RGS6: variants seen among roughly 807,000 people sequenced by gnomAD.
RGS6 encodes the protein regulator of G protein signaling 6, also known as regulator of G-protein signaling 6.
In RGS6, 30 loss-of-function variants were observed where a neutral mutation model predicts 78.5. The observed-to-expected ratio is 0.38, with a 90% CI of 0.29 to 0.52. The LOEUF (loss-of-function observed/expected upper bound fraction) is 0.52, where lower values mean the gene tolerates loss of function less well. Among genes scored for constraint, RGS6 ranks in the 20% least tolerant of loss-of-function variants. RGS6 has a pLI of 0.85. For synonymous variants in RGS6, 206 were observed against 206.0 expected (o/e 1.00, Z 0.00); for missense variants, 495 against 609.7 (o/e 0.81, Z 1.98).
At chr14:72,292,321 C>T (rs1163693895) in intron 2 of RGS6, among the ~76,000 whole-genome samples, 2 of 152,198 alleles carry the variant, frequency 1.3e-5, no homozygotes, top group Non-Finnish European at 2.9e-5. Flanking sequence ...TCACAACGCT[C>T]CATTTCGCTG....
At chr14:72,542,456 A>T (rs557097881) in intron 17 of RGS6, among the ~76,000 whole-genome samples, 58 of 152,352 alleles carry the variant, frequency 3.8e-4, no homozygotes, top group Non-Finnish European at 6.9e-4. Flanking sequence ...CTAAGAGAAG[A>T]TCTACGTGAA....
At chr14:72,482,929 T>G (rs920084901) in intron 12 of RGS6, among the ~76,000 whole-genome samples, 1 of 152,148 alleles carries the variant, frequency 6.6e-6, no homozygotes, top group Non-Finnish European at 1.5e-5. Flanking sequence ...TGAAAAGTCT[T>G]TTTTGTGAGG....
chr14:71,944,866 C>T (rs1250646977), intron 1 of RGS6, among the ~76,000 whole-genome samples: 1 of 152,142 alleles, frequency 6.6e-6, no homozygotes, highest in Non-Finnish European at 1.5e-5. Context: ...CTACTGTACA[C>T]CTAGGCCATG....
At chr14:72,587,778 G>C in the RGS6 span, among the ~76,000 whole-genome samples, 1 of 152,202 alleles carries the variant, frequency 6.6e-6, no homozygotes, top group Non-Finnish European at 1.5e-5. Context: ...ACAAAGAACT[G>C]TCTACTAACA....
chr14:72,575,577 G>A, the RGS6 span, among the ~76,000 whole-genome samples: 522 of 152,268 alleles, frequency 3.4e-3, 2 homozygotes, highest in African/African-American at 0.011. Flanking sequence ...ATTGCCTGCA[G>A]AAGGACATCT....
intron 2 of RGS6, among the ~76,000 whole-genome samples, chr14:72,202,090 A>T (rs780884272): frequency 1.3e-5 from 2 of 152,234 alleles, no homozygotes; most frequent in Non-Finnish European, 2.9e-5. Context: ...CCTCCTCTTC[A>T]TGATGAAGTA....
At chr14:72,107,732 T>C (rs1021908604) in intron 2 of RGS6, among the ~76,000 whole-genome samples, 2 of 152,176 alleles carry the variant, frequency 1.3e-5, no homozygotes, top group Non-Finnish European at 2.9e-5. Context: ...GGTTTTAACG[T>C]CTTCTGTATG....
At chr14:72,305,868 C>A (rs148710005) in intron 2 of RGS6, among the ~76,000 whole-genome samples, 1 of 152,154 alleles carries the variant, frequency 6.6e-6, no homozygotes, top group Admixed American at 6.5e-5. Context: ...TGAGACAGGC[C>A]AAAAGCTAGA....
At chr14:72,575,028 T>A in the RGS6 span, among the ~76,000 whole-genome samples, 2 of 151,972 alleles carry the variant, frequency 1.3e-5, no homozygotes, top group Non-Finnish European at 2.9e-5. Context: ...TTTCAAAGGA[T>A]TCAAATCAGG....
intron 3 of RGS6, among the ~76,000 whole-genome samples, chr14:72,387,480 C>T (rs1399361806): frequency 1.3e-5 from 2 of 151,000 alleles, no homozygotes; most frequent in Non-Finnish European, 2.9e-5. Flanking sequence ...ACCCAGGAGG[C>T]AGAGCTTGCA....
At chr14:71,969,827 T>C (rs1446762860) in intron 2 of RGS6, among the ~76,000 whole-genome samples, 1 of 152,234 alleles carries the variant, frequency 6.6e-6, no homozygotes, top group Non-Finnish European at 1.5e-5. Context: ...CTTTCTGCAA[T>C]GATTTCAAAG....
At chr14:72,036,284 TG>T (rs937329194) in intron 2 of RGS6, among the ~76,000 whole-genome samples, 5 of 151,740 alleles carry the variant, frequency 3.3e-5, no homozygotes, top group Admixed American at 3.3e-4. Flanking sequence ...TGTTTTGTTT[TG>T]TTTTGTTTTT....
intron 2 of RGS6, among the ~76,000 whole-genome samples, chr14:72,163,149 A>ATACT (rs1477770122): frequency 6.6e-6 from 1 of 152,206 alleles, no homozygotes; most frequent in Non-Finnish European, 1.5e-5. Flanking sequence ...CACCACTAAA[A>ATACT]TACTTACTCA....
At chr14:71,877,329 G>A in the RGS6 span, among the ~76,000 whole-genome samples, 2 of 152,066 alleles carry the variant, frequency 1.3e-5, no homozygotes, top group African/African-American at 4.8e-5. Context: ...ACGAAGATTT[G>A]GTCTTTTCAC....
At chr14:72,299,012 A>G (rs2065484912) in intron 2 of RGS6, among the ~76,000 whole-genome samples, 1 of 152,028 alleles carries the variant, frequency 6.6e-6, no homozygotes, top group Admixed American at 6.6e-5. Context: ...TGTTCTTTTC[A>G]GTCTTTGAAG....
At chr14:72,387,630 G>A (rs2088638006) in intron 3 of RGS6, among the ~76,000 whole-genome samples, 1 of 151,906 alleles carries the variant, frequency 6.6e-6, no homozygotes, top group South Asian at 2.1e-4. Context: ...AGAAAAAAAT[G>A]TACATATATA....
At chr14:72,596,361 C>G in the RGS6 span, among the ~76,000 whole-genome samples, 1 of 152,326 alleles carries the variant, frequency 6.6e-6, no homozygotes, top group South Asian at 2.1e-4. Context: ...TTGGACCCAC[C>G]TGTATAATCC....
At chr14:72,426,904 G>A (rs2094454940) in intron 3 of RGS6, among the ~76,000 whole-genome samples, 1 of 152,210 alleles carries the variant, frequency 6.6e-6, no homozygotes, top group African/African-American at 2.4e-5. Context: ...AAACTGCCAA[G>A]GCTAAATCAT....
chr14:72,492,807 C>G (rs1345287324), intron 12 of RGS6, among the ~76,000 whole-genome samples: 1 of 152,180 alleles, frequency 6.6e-6, no homozygotes, highest in East Asian at 1.9e-4. Context: ...ATACTCCATT[C>G]TGTTTTTGCA....
Sources: allele counts gnomAD v4.1 joint callset (sites outside exome capture counted in the v4.1 genomes callset), GRCh38; gene constraint gnomAD v4.1.1; transcripts MANE v1.5; gene names NCBI Gene and HGNC (gene_info 2026-07-23, HGNC 2026-07-21).